The following KCNMB2 variants were observed in gnomAD, a reference collection of about 807,000 sequenced individuals.
KCNMB2 encodes calcium-activated potassium channel subunit beta-2.
Under a neutral mutation model 24.5 loss-of-function variants are expected in KCNMB2, and 9 were observed. The observed-to-expected ratio is 0.37, with a 90% confidence interval of 0.22 to 0.64. The LOEUF (loss-of-function observed/expected upper bound fraction) is 0.64, where lower values mean the gene tolerates loss of function less well. Ranked by LOEUF, KCNMB2 falls within the 30% of genes least tolerant of loss-of-function variation. The pLI, the probability that KCNMB2 is intolerant of heterozygous loss-of-function variation, is 0.63. For missense variants in KCNMB2, 226 were observed against 284.3 expected (o/e 0.79, Z 1.47); for synonymous variants, 109 against 104.4 (o/e 1.04, Z -0.27).
chr3:178,608,006 T>G (rs1718341549), intron 1 of KCNMB2, among the ~76,000 whole-genome samples: 3 of 152,194 alleles, frequency 2.0e-5, no homozygotes, highest in African/African-American at 7.2e-5. Flanking sequence ...AGCTTAAAAA[T>G]GTGAGTTTAT....
intron 4 of KCNMB2, among the ~76,000 whole-genome samples, chr3:178,835,989 C>A (rs1007970835): frequency 2.0e-5 from 3 of 152,008 alleles, no homozygotes; most frequent in African/African-American, 7.3e-5. Flanking sequence ...AAATTTCTAA[C>A]CCCATTTCAA....
chr3:178,752,239 A>G (rs1477735700), intron 1 of KCNMB2, among the ~76,000 whole-genome samples: 1 of 152,240 alleles, frequency 6.6e-6, no homozygotes. Context: ...CTATAAACAT[A>G]GAATTGTTAG....
chr3:178,557,174 G>A (rs967407527), intron 1 of KCNMB2, among the ~76,000 whole-genome samples: 1 of 152,238 alleles, frequency 6.6e-6, no homozygotes, highest in South Asian at 2.1e-4. Context: ...ACCTGGTCCT[G>A]ATTCTGATCA....
intron 1 of KCNMB2, among the ~76,000 whole-genome samples, chr3:178,597,426 CTT>C (rs1717916475): frequency 6.6e-6 from 1 of 152,090 alleles, no homozygotes; most frequent in Non-Finnish European, 1.5e-5. Context: ...GTAAAGCTCA[CTT>C]ATAAGTGTGC....
rs373651737 is a variant in KCNMB2 at position 178,558,821 on chromosome 3, A to G, written c.-68+22110A>G. 3 of 152,218 alleles carry G rather than the reference A, an allele frequency of 2.0e-5. No homozygotes were observed. In the East Asian group the frequency reaches 5.8e-4, roughly 29 times the overall value. 9.4% of individuals were successfully genotyped at this position (152,218 alleles called of 1,614,324 possible). A position where few individuals can be genotyped will look rare whatever the true frequency, so the allele number is the denominator to read the frequency against. ...GCCAGGAAGGGCACTGCACCTTGGT[A>G]TAAATGCTGCTGGGCACCGTTCTGT... On this transcript the variant is annotated intron_variant, in intron 1 of 4. Coordinates refer to ENST00000452583, the MANE Select transcript of KCNMB2 (RefSeq NM_181361.3).
chr3:178,688,150 G>A (rs533869551), intron 1 of KCNMB2, among the ~76,000 whole-genome samples: 4 of 152,206 alleles, frequency 2.6e-5, no homozygotes, highest in East Asian at 1.9e-4. Context: ...AGAACTTGCT[G>A]ATTTGAAAAG....
chr3:178,571,148 T>C (rs534358098), intron 1 of KCNMB2, among the ~76,000 whole-genome samples: 1 of 152,232 alleles, frequency 6.6e-6, no homozygotes, highest in African/African-American at 2.4e-5. Context: ...TTATTACAAT[T>C]TTATTCTTTC....
intron 1 of KCNMB2, among the ~76,000 whole-genome samples, chr3:178,711,562 G>A (rs1001376249): frequency 3.3e-5 from 5 of 152,056 alleles, no homozygotes; most frequent in South Asian, 2.1e-4. Flanking sequence ...AACCAACTTC[G>A]GAATTAAATT....
chr3:178,681,816 C>G (rs553767018), intron 1 of KCNMB2, among the ~76,000 whole-genome samples: 1 of 152,228 alleles, frequency 6.6e-6, no homozygotes, highest in East Asian at 1.9e-4. Flanking sequence ...CTGCCTGGCA[C>G]TATCTTGCAT....
chr3:178,590,946 C>T (rs141379024), intron 1 of KCNMB2, among the ~76,000 whole-genome samples: 1 of 152,302 alleles, frequency 6.6e-6, no homozygotes, highest in East Asian at 1.9e-4. Flanking sequence ...GAAAGCAAGT[C>T]TACTAATTTC....
In KCNMB2 at chr3:178,564,768, A is replaced by G. The variant is rs1185494580; in HGVS notation, c.-68+28057A>G. Among the ~76,000 whole-genome samples, 3 of 152,302 alleles carry G rather than the reference A, an allele frequency of 2.0e-5. No homozygotes were observed. The East Asian group carries it at 5.8e-4, about 29-fold the overall frequency. The stretch of plus-strand genomic sequence containing the variant: ...GGTAATTCATCCAAATCTATCAAAA[A>G]CTTTAAGAAGCAAAATTATTACCTC... On this transcript the variant is annotated intron_variant, in intron 1 of 4. Coordinates refer to ENST00000452583, the MANE Select transcript of KCNMB2 (RefSeq NM_181361.3).
intron 1 of KCNMB2, among the ~76,000 whole-genome samples, chr3:178,724,832 A>T (rs1722914545): frequency 6.6e-6 from 1 of 151,928 alleles, no homozygotes; most frequent in South Asian, 2.1e-4. Context: ...GGTTTATTTC[A>T]GGGGTCTGTA....
chr3:178,799,888 C>T (rs2108446860), intron 1 of KCNMB2, among the ~76,000 whole-genome samples: 1 of 152,214 alleles, frequency 6.6e-6, no homozygotes, highest in Non-Finnish European at 1.5e-5. Context: ...CTACATTAAA[C>T]TCATTTTCAA....
chr3:178,604,316 A>G (rs948829418), intron 1 of KCNMB2, among the ~76,000 whole-genome samples: 7 of 152,172 alleles, frequency 4.6e-5, no homozygotes, highest in African/African-American at 1.7e-4. Flanking sequence ...ATTAATTCCA[A>G]AATATGGAAA....
chr3:178,761,156 C>G (rs1430046338), intron 1 of KCNMB2, among the ~76,000 whole-genome samples: 1 of 152,120 alleles, frequency 6.6e-6, no homozygotes, highest in Non-Finnish European at 1.5e-5. Context: ...ACTTTAACTT[C>G]ATTTAAAGAA....
intron 1 of KCNMB2, among the ~76,000 whole-genome samples, chr3:178,608,982 T>C (rs1326626904): frequency 6.6e-6 from 1 of 152,208 alleles, no homozygotes; most frequent in Non-Finnish European, 1.5e-5. Flanking sequence ...ATATACTGAT[T>C]TCCTTTCTTT....
At chr3:178,720,336 T>A (rs1722758373) in intron 1 of KCNMB2, among the ~76,000 whole-genome samples, 2 of 148,070 alleles carry the variant, frequency 1.4e-5, no homozygotes, top group Non-Finnish European at 3.0e-5. Context: ...CTGCATAGTA[T>A]TCCATGGTGT....
intron 2 of KCNMB2, among the ~76,000 whole-genome samples, chr3:178,821,778 C>T (rs898573841): frequency 6.6e-6 from 1 of 152,174 alleles, no homozygotes; most frequent in Non-Finnish European, 1.5e-5. Flanking sequence ...AAACTATATC[C>T]TTTTTCTTAC....
intron 1 of KCNMB2, among the ~76,000 whole-genome samples, chr3:178,669,054 A>G (rs1720814058): frequency 6.6e-6 from 1 of 152,178 alleles, no homozygotes; most frequent in South Asian, 2.1e-4. Flanking sequence ...AGGAAAGAAT[A>G]TAAATCAAAT....
Sources: allele counts gnomAD v4.1 joint callset (sites outside exome capture counted in the v4.1 genomes callset), GRCh38; gene constraint gnomAD v4.1.1; transcripts MANE v1.5; gene names NCBI Gene and HGNC (gene_info 2026-07-23, HGNC 2026-07-21).